The following HUWE1 variants were observed in gnomAD, a reference collection of about 807,000 sequenced individuals.
HUWE1 encodes the protein HECT, UBA and WWE domain containing E3 ubiquitin protein ligase 1, also known as E3 ubiquitin-protein ligase HUWE1.
Under a neutral mutation model 299.4 loss-of-function variants are expected in HUWE1, and 18 were observed. The observed-to-expected ratio is 0.06, with a 90% CI of 0.04 to 0.09. HUWE1 has a LOEUF of 0.09. Among genes scored for constraint, HUWE1 ranks in the 10% least tolerant of loss-of-function variants. The pLI, the probability that HUWE1 is intolerant of heterozygous loss-of-function variation, is 1.00. For missense variants in HUWE1, 1,832 were observed against 3,462.3 expected (o/e 0.53, Z 11.82); for synonymous variants, 1,317 against 1,286.1 (o/e 1.02, Z -0.51).
At chrX:53,617,572 G>C in intron 19 of HUWE1, 126 bp from the exon 20 acceptor site, 1 of 503,543 alleles carries the variant, frequency 2.0e-6, no homozygotes, top group South Asian at 2.8e-5. Context: ...TGCTTACTAT[G>C]AAATTAAAGA....
intron 49 of HUWE1, among the ~76,000 whole-genome samples, chrX:53,565,636 C>CT (rs377656122): frequency 9.7e-4 from 99 of 101,873 alleles, no homozygotes; most frequent in East Asian, 3.1e-3. Flanking sequence ...AAAAGTTTTC[C>CT]TTTTTTTTTT....
At chrX:53,647,337 A>G (rs2149279027) in intron 6 of HUWE1, 31 bp downstream of exon 6, 1 of 1,039,368 alleles carries the variant, frequency 9.6e-7, no homozygotes, top group South Asian at 1.9e-5. Context: ...TCTAGTCAAG[A>G]ACAGGGTACA....
intron 45 of HUWE1, 34 bp downstream of exon 45, chrX:53,575,609 G>C (rs1200442217): frequency 2.5e-6 from 3 of 1,193,358 alleles, no homozygotes. Context: ...TGAAAAATGA[G>C]AAGAAAGATA....
chrX:53,562,787 G>T, intron 53 of HUWE1, 44 bp downstream of exon 53: 1 of 1,046,825 alleles, frequency 9.6e-7, no homozygotes, highest in Non-Finnish European at 1.3e-6. Context: ...TCTGTCAGAC[G>T]TGCAGGGCAA....
intron 3 of HUWE1, among the ~76,000 whole-genome samples, chrX:53,665,334 G>A (rs947834245): frequency 3.1e-4 from 35 of 112,218 alleles, no homozygotes; most frequent in African/African-American, 1.1e-3. Flanking sequence ...GAAATACCTT[G>A]AAGGAGTCTC....
chrX:53,575,112 C>T, intron 46 of HUWE1, 43 bp downstream of exon 46: 1 of 1,039,822 alleles, frequency 9.6e-7, no homozygotes, highest in South Asian at 1.9e-5. Flanking sequence ...AAGTTGTTTT[C>T]CTAAGGAATA....
At chrX:53,681,579 C>G (rs1415779200) in intron 2 of HUWE1, among the ~76,000 whole-genome samples, 1 of 111,739 alleles carries the variant, frequency 8.9e-6, no homozygotes, top group Non-Finnish European at 1.9e-5. Context: ...GGAAAAGAAG[C>G]TGGGTATTCC....
rs782474188 is a variant in HUWE1 at position 53,624,513 on chromosome X, A to G, written c.1672+82T>C. 979 of 658,842 alleles carry G rather than the reference A, an allele frequency of 1.5e-3. 14 individuals carry two copies. The Admixed American group carries it at 0.022, about 14-fold the overall frequency. The allele number at this position is 658,842 out of a possible 1,213,427, so 54.3% of individuals were successfully genotyped here. A position where few individuals can be genotyped will look rare whatever the true frequency, so the allele number is the denominator to read the frequency against. ...CTCTGTCTCAAAAATAAATAAGTAA[A>G]TAAGTAAGTAAGTAAATACAGAGAG... On this transcript the variant is annotated intron_variant, in intron 19 of 83. Coordinates refer to ENST00000262854, the MANE Select transcript of HUWE1 (RefSeq NM_031407.7).
intron 44 of HUWE1, 92 bp downstream of exon 44, chrX:53,576,806 TGA>T (rs1353664800): frequency 1.1e-6 from 1 of 881,314 alleles, no homozygotes; most frequent in Non-Finnish European, 1.7e-6. Flanking sequence ...GGGCACATAG[TGA>T]GTGCTCACTA....
At chrX:53,572,313 A>C (rs1382880122) in intron 47 of HUWE1, among the ~76,000 whole-genome samples, 2 of 111,987 alleles carry the variant, frequency 1.8e-5, no homozygotes, top group Non-Finnish European at 3.8e-5. Context: ...GCACTAAAGA[A>C]CAAGGAGGGC....
rs781840786 is a variant in HUWE1, at chrX:53,562,181, C to A, written c.7268G>T (p.Gly2423Val). Residue 2423 changes from glycine to valine, a missense_variant, in exon 54 of 84, where the codon GGC becomes GTC. Around this residue, in one of 15 missense-constraint regions of HUWE1, gnomAD observed 170 missense variants for 335.8 expected, o/e 0.51. Transcript: ENST00000262854. Reference protein sequence around the residue: ...EEHTQEEDSSGSNEDEDDSQD... With the variant: ...EEHTQEEDSSVSNEDEDDSQD... ...ACTATCATCCTCATCCTCGTTACTGCCACTGCTGTCCTCTTCCTGAGTGTG... is the reference window on the plus strand; with the variant it reads ...ACTATCATCCTCATCCTCGTTACTGACACTGCTGTCCTCTTCCTGAGTGTG... 3.4e-6 allele frequency: 4 copies of A among 1,182,022 alleles called. No individual in the cohort carries two copies. The African/African-American group carries it at 7.1e-5, about 21-fold the overall frequency.
chrX:53,600,016 T>G, intron 29 of HUWE1, 102 bp downstream of exon 29: 1 of 785,616 alleles, frequency 1.3e-6, no homozygotes, highest in East Asian at 3.2e-5. Context: ...CACAGAAGTT[T>G]TAAACTTCCT....
chrX:53,574,742 C>T (rs2063013945), intron 46 of HUWE1, among the ~76,000 whole-genome samples: 2 of 111,930 alleles, frequency 1.8e-5, no homozygotes, highest in Admixed American at 1.9e-4. Flanking sequence ...TAGACTTACT[C>T]CCAGGGACAT....
At chrX:53,595,999 C>T (rs1602972768) in intron 29 of HUWE1, among the ~76,000 whole-genome samples, 1 of 112,213 alleles carries the variant, frequency 8.9e-6, no homozygotes, top group African/African-American at 3.2e-5. Flanking sequence ...TAAAAGAAAA[C>T]ACAAAAAACT....
chrX:53,569,865 C>A, intron 47 of HUWE1, 38 bp from the exon 48 acceptor site: 1 of 1,087,021 alleles, frequency 9.2e-7, no homozygotes, highest in Non-Finnish European at 1.3e-6. Flanking sequence ...CTTACAAGCA[C>A]AATTATGCCA....
chrX:53,644,582 CTAGAATTTTCA>C (rs1373273680), intron 7 of HUWE1, among the ~76,000 whole-genome samples: 1 of 111,965 alleles, frequency 8.9e-6, no homozygotes. Context: ...CTACATTTTC[CTAGAATTTTCA>C]GAATACATGT....
intron 52 of HUWE1, among the ~76,000 whole-genome samples, chrX:53,563,426 ACTG>A (rs2062383232): frequency 9.0e-6 from 1 of 111,185 alleles, no homozygotes; most frequent in Admixed American, 9.6e-5. Flanking sequence ...TCATTGAAGA[ACTG>A]AAAGGCAGCG....
chrX:53,631,559 C>T lies in HUWE1; in HGVS notation c.693+8G>A. 8.4e-7 allele frequency: 1 copy of T among 1,194,318 alleles called. No individual in the cohort carries two copies. The highest frequency in any genetic ancestry group is 1.1e-6 in the Non-Finnish European group (1 of 880,247). ...AGAAACGAGCCAAGAGTCAAAGATT[C>T]CTCTTACCTTGTCAAGTTGCTCTAT... On this transcript the variant is annotated splice_region_variant and intron_variant, in intron 10 of 83. Transcript: ENST00000262854.
At position 53,617,432 on chromosome X, in the gene HUWE1, T is replaced by A; in HGVS notation, c.1687A>T (p.Thr563Ser). 1 of 1,163,001 alleles carries A rather than the reference T, an allele frequency of 8.6e-7. No individual in the cohort carries two copies. Residue 563 changes from threonine to serine, a missense_variant, in exon 20 of 84, where the codon ACT (threonine) becomes TCT (serine). By Grantham distance (58) the Thr-to-Ser change is moderately conservative (BLOSUM62 1). Around this residue, in one of 15 missense-constraint regions of HUWE1, gnomAD observed 658 missense variants for 1,282.6 expected, o/e 0.51. Coordinates refer to ENST00000262854, the MANE Select transcript of HUWE1 (RefSeq NM_031407.7). ...GATGGTTCTTGAAATACAAACACAGTCACCACTTCAGTAGCTAAAAAAAGA... is the reference window on the plus strand; with the variant it reads ...GATGGTTCTTGAAATACAAACACAGACACCACTTCAGTAGCTAAAAAAAGA... ...SLFLLATEVVTVFVFQEPSLL... is the reference protein window; with the variant it reads ...SLFLLATEVVSVFVFQEPSLL...
Sources: gnomAD v4.1 joint callset for allele counts (sites outside exome capture counted in the v4.1 genomes callset) on GRCh38, gnomAD v4.1.1 for gene constraint, gnomAD v4.1.1 regional missense constraint, MANE v1.5 for transcripts, NCBI Gene and HGNC (gene_info 2026-07-23, HGNC 2026-07-21) for gene names.